Variants in CCDC66 observed in about 807,000 individuals in gnomAD.
CCDC66 encodes the protein coiled-coil domain-containing protein 66.
In CCDC66, 133 loss-of-function variants were observed where a neutral mutation model predicts 128.3. The ratio of observed to expected loss-of-function variants is 1.04; its 90% confidence interval spans 0.90 to 1.20. The LOEUF is 1.20. Ranked by LOEUF, CCDC66 falls within the 50% of genes most tolerant of loss-of-function variation. The pLI is 0.00. For synonymous variants in CCDC66, 387 were observed against 357.0 expected (o/e 1.08, Z -0.95); for missense variants, 1,126 against 1,075.5 (o/e 1.05, Z -0.66).
rs762818632 is a variant in CCDC66, at chr3:56,566,986, T to C, written c.747T>C (p.Thr249=). The change falls in exon 6 of 18, where the codon ACT becomes ACC. Residue 249 remains threonine, a synonymous_variant. Coordinates refer to ENST00000394672, the MANE Select transcript of CCDC66 (RefSeq NM_001141947.3). ...NEWKPADIFS[T]LGERECDRSS... ...GGAAACCAGCTGATATATTCAGTAC[T>C]CTGGGGGAAAGGGAATGTGATAGAA... is the stretch of plus-strand genomic sequence containing the variant. The C allele has an allele frequency of 5.6e-5, 90 of 1,614,026 alleles. No individual in the cohort carries two copies. The highest frequency in any genetic ancestry group is 6.8e-5 in the Non-Finnish European group (80 of 1,180,000).
At chr3:56,592,434 C>G (rs1035346544) in intron 7 of CCDC66, among the ~76,000 whole-genome samples, 2 of 152,130 alleles carry the variant, frequency 1.3e-5, no homozygotes, top group African/African-American at 2.4e-5. Context: ...GATTTCAGCT[C>G]ACTACAACCT....
chr3:56,584,180 C>T (rs1344410273), intron 7 of CCDC66, among the ~76,000 whole-genome samples: 4 of 145,070 alleles, frequency 2.8e-5, no homozygotes, highest in Admixed American at 6.9e-5. Context: ...CCGGGCGGGG[C>T]GGCTGCCGGG....
rs2064835779 is a variant in CCDC66 at position 56,559,609 on chromosome 3, T to A, written c.102+15T>A. The A allele has an allele frequency of 2.0e-6, 3 of 1,523,010 alleles. No individual in the cohort carries two copies. The highest frequency in any genetic ancestry group is 2.2e-5 in the Admixed American group (1 of 45,588). The allele number at this position is 1,523,010 out of a possible 1,614,324, so 94.3% of individuals were successfully genotyped here. ...TTTCTGTGAAGGTAAGCCGTATAAC[T>A]TTGACCTGACCTGTTTTCAAATGTA... is the stretch of plus-strand genomic sequence containing the variant. On this transcript the variant is annotated intron_variant, in intron 3 of 17. Transcript: ENST00000394672.
chr3:56,557,223 A>C lies in CCDC66; in HGVS notation c.-20A>C. On this transcript the variant is annotated 5_prime_UTR_variant, in exon 1 of 18. Transcript: ENST00000394672. ...CACAAGGGGCTTGAGCGTTCTGTGGAGAGAGTGCGAGGTCAGGCCATGAAC... is the reference window on the plus strand; with the variant it reads ...CACAAGGGGCTTGAGCGTTCTGTGGCGAGAGTGCGAGGTCAGGCCATGAAC... The C allele has an allele frequency of 2.6e-6, 4 of 1,550,448 alleles. No homozygotes were observed. The highest frequency in any genetic ancestry group is 2.5e-5 in the East Asian group (1 of 40,812).
rs555155299 is a variant in CCDC66 at position 56,617,744 on chromosome 3, T to C, written c.2337+139T>C. ...CAGCAAACTATATCCCATGGGCAAA[T>C]CCAGGCTGCTGCCTGTTTTTGGAAA... On this transcript the variant is annotated intron_variant, in intron 14 of 17. Transcript: ENST00000394672. The C allele has an allele frequency of 3.9e-6, 4 of 1,029,016 alleles. No individual in the cohort carries two copies. The East Asian group carries it at 7.7e-5, about 20-fold the overall frequency. 63.7% of individuals were successfully genotyped at this position (1,029,016 alleles called of 1,614,324 possible).
intron 10 of CCDC66, among the ~76,000 whole-genome samples, chr3:56,611,792 GCT>G (rs1284554086): frequency 2.0e-5 from 3 of 152,102 alleles, no homozygotes; most frequent in African/African-American, 7.2e-5. Flanking sequence ...ACTGGGCTCG[GCT>G]CTCTAACTTG....
At chr3:56,618,409 C>G (rs2075816895) in intron 15 of CCDC66, 197 bp downstream of exon 15, 1 of 514,364 alleles carries the variant, frequency 1.9e-6, no homozygotes, top group South Asian at 3.4e-5. Context: ...TTGGACTGGG[C>G]CTAGGCAGGA....
At chr3:56,567,619 G>C (rs1303501846) in intron 6 of CCDC66, among the ~76,000 whole-genome samples, 1 of 152,194 alleles carries the variant, frequency 6.6e-6, no homozygotes, top group Non-Finnish European at 1.5e-5. Flanking sequence ...AAACAATAGG[G>C]GTTGGAGCAT....
chr3:56,557,234 G>T lies in CCDC66; in HGVS notation c.-9G>T. The T allele has an allele frequency of 6.8e-7, 1 of 1,479,084 alleles. No individual in the cohort carries two copies. The highest frequency in any genetic ancestry group is 1.2e-5 in the South Asian group (1 of 82,990). 91.6% of individuals were successfully genotyped at this position (1,479,084 alleles called of 1,614,324 possible). ...TGAGCGTTCTGTGGAGAGAGTGCGA[G>T]GTCAGGCCATGAACTTGGGGTAAGC... On this transcript the variant is annotated 5_prime_UTR_variant, in exon 1 of 18. The change creates a new upstream start codon in the 5' untranslated region. Coordinates refer to ENST00000394672, the MANE Select transcript of CCDC66 (RefSeq NM_001141947.3).
At chr3:56,585,971 A>G (rs987648281) in intron 7 of CCDC66, among the ~76,000 whole-genome samples, 20 of 151,928 alleles carry the variant, frequency 1.3e-4, no homozygotes, top group Admixed American at 9.3e-4. Context: ...AGTAATGCAT[A>G]TACTATAACC....
At chr3:56,595,872 C>T (rs1441310032) in intron 10 of CCDC66, among the ~76,000 whole-genome samples, 2 of 152,180 alleles carry the variant, frequency 1.3e-5, no homozygotes. Flanking sequence ...CTTTTCTCCG[C>T]TTCCTTGGCA....
chr3:56,600,474 A>G (rs1196310711), intron 10 of CCDC66, among the ~76,000 whole-genome samples: 1 of 151,996 alleles, frequency 6.6e-6, no homozygotes. Context: ...AGAATGATTT[A>G]TAATCCCTTC....
rs61743975 is a variant in CCDC66 at position 56,615,224 on chromosome 3, T to C, written c.1663T>C (p.Leu555=). The C allele has an allele frequency of 2.6e-4, 414 of 1,613,994 alleles. 3 individuals carry two copies. In the African/African-American group the frequency reaches 3.0e-3, roughly 12 times the overall value. The part of the protein sequence containing the change: ...RLKQEQRIRE[L]AQKGHDTSRL... ...AAAACAAGAACAAAGAATCCGAGAA[T>C]TGGCGCAAAAGGGACATGACACTTC... Residue 555 remains leucine (L), a synonymous_variant, in exon 12 of 18, where the codon TTG becomes CTG. Coordinates refer to ENST00000394672, the MANE Select transcript of CCDC66 (RefSeq NM_001141947.3).
In CCDC66 at chr3:56,558,866, C is replaced by A. The variant is rs1188797301; in HGVS notation, c.32C>A (p.Thr11Asn). 1 of 1,549,508 alleles carries A rather than the reference C, an allele frequency of 6.5e-7. No homozygotes were observed. The highest frequency in any genetic ancestry group is 8.7e-7 in the Non-Finnish European group (1 of 1,145,576). ...TACAGAGATGGTTTAAAGCTTGAAACTGAATTACTGGATGGAAAAACCAAG... is the reference window on the plus strand; with the variant it reads ...TACAGAGATGGTTTAAAGCTTGAAAATGAATTACTGGATGGAAAAACCAAG... MNLGDGLKLE[T>N]ELLDGKTKLI... Residue 11 changes from threonine (T) to asparagine (N), a missense_variant, in exon 2 of 18, where the codon ACT becomes AAT. By Grantham distance (65) the Thr-to-Asn change is moderately conservative. Transcript: ENST00000394672.
chr3:56,584,260 C>T (rs1353614284), intron 7 of CCDC66, among the ~76,000 whole-genome samples: 21 of 144,594 alleles, frequency 1.5e-4, no homozygotes, highest in South Asian at 4.5e-4. Context: ...TCAGACGGGG[C>T]GGCTGCCGGG....
chr3:56,565,767 C>T (rs991397528), intron 4 of CCDC66, among the ~76,000 whole-genome samples: 5 of 151,600 alleles, frequency 3.3e-5, no homozygotes, highest in Admixed American at 1.3e-4. Flanking sequence ...CCCAGGTTCA[C>T]GCCATTCTCC....
chr3:56,599,430 CTT>C (rs2107094967), intron 10 of CCDC66, among the ~76,000 whole-genome samples: 1 of 151,990 alleles, frequency 6.6e-6, no homozygotes, highest in Non-Finnish European at 1.5e-5. Flanking sequence ...TTTGTTATTT[CTT>C]TCCACTAATT....
intron 3 of CCDC66, chr3:56,563,466 G>T (rs1394265563): frequency 1.0e-5 from 5 of 495,500 alleles, no homozygotes; most frequent in Non-Finnish European, 1.8e-5. Context: ...GTATAGTGGA[G>T]ATGTCCTATA....
chr3:56,578,096 G>A (rs1348839294), intron 7 of CCDC66, among the ~76,000 whole-genome samples: 1 of 151,666 alleles, frequency 6.6e-6, no homozygotes, highest in East Asian at 2.0e-4. Flanking sequence ...TTATTTCCTT[G>A]AGCAGTGATT....
Sources: gnomAD v4.1 joint callset for allele counts (sites outside exome capture counted in the v4.1 genomes callset) on GRCh38, gnomAD v4.1.1 for gene constraint, MANE v1.5 for transcripts, NCBI Gene and HGNC (gene_info 2026-07-23, HGNC 2026-07-21) for gene names.